The following VAV3 variants were observed in gnomAD, a reference collection of about 807,000 sequenced individuals.
VAV3 encodes guanine nucleotide exchange factor VAV3.
In VAV3, 94 loss-of-function variants were observed where a neutral mutation model predicts 131.2. That is an observed-to-expected ratio of 0.72 (90% confidence interval 0.61 to 0.85). The LOEUF is 0.85. VAV3 is among the 40% of genes least tolerant of loss of function. The probability of loss-of-function intolerance (pLI) is 0.00; values close to 1 mark genes in which losing one functional copy is unlikely to be tolerated. For synonymous variants in VAV3, 349 were observed against 342.0 expected (o/e 1.02, Z -0.22); for missense variants, 939 against 1,002.7 (o/e 0.94, Z 0.86).
intron 2 of VAV3, among the ~76,000 whole-genome samples, chr1:107,818,871 A>G (rs1667671209): frequency 6.6e-6 from 1 of 152,186 alleles, no homozygotes; most frequent in African/African-American, 2.4e-5. Context: ...AAATTTAAAA[A>G]CATAACATTA....
At chr1:107,706,660 G>A (rs1660472073) in intron 15 of VAV3, among the ~76,000 whole-genome samples, 1 of 152,110 alleles carries the variant, frequency 6.6e-6, no homozygotes, top group Non-Finnish European at 1.5e-5. Flanking sequence ...TTTGATTCTT[G>A]AGTCCATAAA....
At chr1:107,838,496 G>T (rs1005531210) in intron 2 of VAV3, among the ~76,000 whole-genome samples, 1 of 152,160 alleles carries the variant, frequency 6.6e-6, no homozygotes, top group Non-Finnish European at 1.5e-5. Flanking sequence ...TTACACTGTT[G>T]ATGGAAATGC....
At chr1:107,910,954 T>C (rs1173941714) in intron 1 of VAV3, among the ~76,000 whole-genome samples, 1 of 149,956 alleles carries the variant, frequency 6.7e-6, no homozygotes, top group Non-Finnish European at 1.5e-5. Flanking sequence ...CACTCTGGGC[T>C]GGGTCATCTG....
At chr1:107,865,781 T>C (rs1669957189) in intron 2 of VAV3, among the ~76,000 whole-genome samples, 1 of 152,186 alleles carries the variant, frequency 6.6e-6, no homozygotes, top group Non-Finnish European at 1.5e-5. Context: ...TTGGCAATTA[T>C]CACACTGCCT....
At chr1:107,792,110 T>C (rs898243769) in intron 2 of VAV3, among the ~76,000 whole-genome samples, 1 of 152,196 alleles carries the variant, frequency 6.6e-6, no homozygotes, top group African/African-American at 2.4e-5. Context: ...ATAGCTAACA[T>C]TCCCCATTGT....
At chr1:107,802,304 G>A (rs753455769) in intron 2 of VAV3, among the ~76,000 whole-genome samples, 5 of 151,846 alleles carry the variant, frequency 3.3e-5, no homozygotes, top group African/African-American at 7.3e-5. Flanking sequence ...TGCATATAAC[G>A]ATAATTTGAC....
intron 15 of VAV3, among the ~76,000 whole-genome samples, chr1:107,722,950 T>C (rs373625552): frequency 2.5e-4 from 38 of 150,954 alleles, no homozygotes; most frequent in African/African-American, 9.2e-4. Flanking sequence ...TCAAATGTTA[T>C]CTCCTCTGAG....
chr1:107,919,113 C>T, intron 1 of VAV3, among the ~76,000 whole-genome samples: 1 of 152,254 alleles, frequency 6.6e-6, no homozygotes, highest in East Asian at 1.9e-4. Context: ...AAAAACAAAT[C>T]AATGACTTGA....
chr1:107,895,495 G>T (rs72983425), intron 1 of VAV3, among the ~76,000 whole-genome samples: 1 of 152,206 alleles, frequency 6.6e-6, no homozygotes, highest in East Asian at 1.9e-4. Flanking sequence ...TACAGATGAG[G>T]AAACAGAGGT....
intron 1 of VAV3, among the ~76,000 whole-genome samples, chr1:107,899,699 G>C (rs1206967038): frequency 2.6e-5 from 4 of 152,170 alleles, no homozygotes; most frequent in South Asian, 2.1e-4. Context: ...TTATGAAATA[G>C]GTATTGTTCC....
At chr1:107,639,524 A>T (rs555115379) in intron 20 of VAV3, among the ~76,000 whole-genome samples, 1 of 152,342 alleles carries the variant, frequency 6.6e-6, no homozygotes, top group South Asian at 2.1e-4. Flanking sequence ...TATTTGAACA[A>T]GCACTTCACC....
intron 15 of VAV3, among the ~76,000 whole-genome samples, chr1:107,746,788 T>C (rs1289088910): frequency 6.6e-6 from 1 of 152,176 alleles, no homozygotes; most frequent in Non-Finnish European, 1.5e-5. Context: ...ATAAATTTTA[T>C]ACCTAGAGCT....
At chr1:107,626,100 T>A (rs1395391077) in intron 20 of VAV3, among the ~76,000 whole-genome samples, 8 of 152,272 alleles carry the variant, frequency 5.3e-5, no homozygotes, top group African/African-American at 1.9e-4. Flanking sequence ...ATAACCTACA[T>A]TGCACTGTAC....
At chr1:107,720,209 T>G (rs969406544) in intron 15 of VAV3, among the ~76,000 whole-genome samples, 2 of 151,162 alleles carry the variant, frequency 1.3e-5, no homozygotes, top group Admixed American at 1.3e-4. Flanking sequence ...TAAAGTATAA[T>G]AAAAAAATAA....
chr1:107,727,728 T>G (rs1304918012), intron 15 of VAV3, among the ~76,000 whole-genome samples: 1 of 152,242 alleles, frequency 6.6e-6, no homozygotes, highest in East Asian at 1.9e-4. Flanking sequence ...CTTTGCACAT[T>G]TAGACTTGTG....
chr1:107,954,108 AC>A (rs1557944634), intron 1 of VAV3, among the ~76,000 whole-genome samples: 1 of 152,246 alleles, frequency 6.6e-6, no homozygotes, highest in African/African-American at 2.4e-5. Context: ...ACTGGCTTTA[AC>A]ACCATGAAGG....
intron 1 of VAV3, among the ~76,000 whole-genome samples, chr1:107,929,138 A>G (rs1673297061): frequency 6.6e-6 from 1 of 152,034 alleles, no homozygotes; most frequent in Non-Finnish European, 1.5e-5. Context: ...ATTTATGCCC[A>G]TTAGCCAGGA....
intron 19 of VAV3, among the ~76,000 whole-genome samples, chr1:107,662,620 T>G (rs1448106202): frequency 6.6e-6 from 1 of 152,200 alleles, no homozygotes; most frequent in Non-Finnish European, 1.5e-5. Context: ...TTAAAGCTTC[T>G]TATAGCCCAA....
At chr1:107,809,385 C>T (rs76247618) in intron 2 of VAV3, among the ~76,000 whole-genome samples, 3 of 152,088 alleles carry the variant, frequency 2.0e-5, no homozygotes, top group Non-Finnish European at 4.4e-5. Flanking sequence ...AAGAAAAGAG[C>T]ATTACTGTAT....
Sources: allele counts gnomAD v4.1 joint callset (sites outside exome capture counted in the v4.1 genomes callset), GRCh38; gene constraint gnomAD v4.1.1; transcripts MANE v1.5; gene names NCBI Gene and HGNC (gene_info 2026-07-23, HGNC 2026-07-21).